RBM47: variants seen among roughly 807,000 people sequenced by gnomAD.
RBM47 encodes the protein RNA binding motif protein 47.
RBM47 carries 21 observed loss-of-function variants against 47.1 expected under a neutral mutation model. The ratio of observed to expected loss-of-function variants is 0.45; its 90% CI spans 0.32 to 0.64. The LOEUF (loss-of-function observed/expected upper bound fraction) is 0.64, where lower values mean the gene tolerates loss of function less well. Ranked by LOEUF, RBM47 falls within the 30% of genes least tolerant of loss-of-function variation. The pLI is 0.05. For missense variants in RBM47, 708 were observed against 870.9 expected (o/e 0.81, Z 2.35); for synonymous variants, 375 against 361.7 (o/e 1.04, Z -0.42).
chr4:40,519,271 C>G (rs950429334), intron 2 of RBM47, among the ~76,000 whole-genome samples: 1 of 150,660 alleles, frequency 6.6e-6, no homozygotes, highest in African/African-American at 2.5e-5. Context: ...TGACCAGAAC[C>G]AGTTCAACTG....
At chr4:40,557,781 T>C (rs1730243328) in intron 1 of RBM47, among the ~76,000 whole-genome samples, 1 of 152,056 alleles carries the variant, frequency 6.6e-6, no homozygotes, top group Admixed American at 6.6e-5. Context: ...AATGAATGCA[T>C]GAGTATAGAA....
intron 1 of RBM47, among the ~76,000 whole-genome samples, chr4:40,563,336 AC>A (rs1228560678): frequency 6.6e-6 from 1 of 152,256 alleles, no homozygotes; most frequent in East Asian, 1.9e-4. Flanking sequence ...AACAATGAAC[AC>A]TTTAATGCCA....
chr4:40,517,021 C>T (rs1725657928), intron 2 of RBM47, among the ~76,000 whole-genome samples: 1 of 152,140 alleles, frequency 6.6e-6, no homozygotes, highest in African/African-American at 2.4e-5. Context: ...GAAGTCTTTC[C>T]CATGAGCACC....
intron 2 of RBM47, among the ~76,000 whole-genome samples, chr4:40,540,702 A>G (rs985941077): frequency 6.8e-6 from 1 of 147,280 alleles, no homozygotes. Flanking sequence ...TGGGGAAAAA[A>G]CCCTACTATT....
chr4:40,588,957 G>C (rs527792205), intron 1 of RBM47, among the ~76,000 whole-genome samples: 1 of 151,442 alleles, frequency 6.6e-6, no homozygotes, highest in Non-Finnish European at 1.5e-5. Flanking sequence ...TAGTTTTAGG[G>C]GAAAGAGGTT....
In RBM47 at chr4:40,438,654, G is replaced by T. The variant is rs199723210; in HGVS notation, c.240C>A (p.Arg80=). 6.2e-7 allele frequency: 1 copy of T among 1,612,206 alleles called. No individual in the cohort carries two copies. Among genetic ancestry groups the T allele is most frequent in the Non-Finnish European group, 8.5e-7 (1 of 1,179,034 alleles). ...GCEVFVGKIP[R]DVYEDELVPV... is the part of the protein sequence containing the mutation. ...GCACCAGCTCGTCCTCGTACACGTC[G>T]CGCGGGATCTTGCCCACGAAGACCT... is the stretch of plus-strand genomic sequence containing the variant. The change falls in exon 4 of 7, where the codon CGC becomes CGA. Residue 80 remains arginine (R), a synonymous_variant. Transcript: ENST00000295971.
At chr4:40,588,401 GGTCCTTACACAT>G (rs1409525746) in intron 1 of RBM47, among the ~76,000 whole-genome samples, 1 of 152,128 alleles carries the variant, frequency 6.6e-6, no homozygotes, top group Non-Finnish European at 1.5e-5. Context: ...GGACCTAGAA[GGTCCTTACACAT>G]GTCTAATTCA....
chr4:40,447,499 C>T (rs573151132), intron 3 of RBM47, among the ~76,000 whole-genome samples: 1 of 152,310 alleles, frequency 6.6e-6, no homozygotes, highest in African/African-American at 2.4e-5. Flanking sequence ...GCAAAGGATA[C>T]CAGTGTACTA....
chr4:40,428,231 A>G (rs1715354852), intron 6 of RBM47, among the ~76,000 whole-genome samples: 1 of 144,978 alleles, frequency 6.9e-6, no homozygotes, highest in African/African-American at 2.5e-5. Flanking sequence ...ACAAAACAAA[A>G]CAAACCCCCA....
At chr4:40,521,294 G>A (rs1341691708) in intron 2 of RBM47, among the ~76,000 whole-genome samples, 1 of 152,064 alleles carries the variant, frequency 6.6e-6, no homozygotes, top group Non-Finnish European at 1.5e-5. Flanking sequence ...TCCACTTCCT[G>A]GGTTCAAGTG....
At chr4:40,523,287 A>T (rs1726378748) in intron 2 of RBM47, among the ~76,000 whole-genome samples, 1 of 151,942 alleles carries the variant, frequency 6.6e-6, no homozygotes, top group Non-Finnish European at 1.5e-5. Context: ...AAGAATATAA[A>T]AACAGGGCTA....
intron 2 of RBM47, among the ~76,000 whole-genome samples, chr4:40,491,077 C>T (rs2154246394): frequency 6.6e-6 from 1 of 152,134 alleles, no homozygotes; most frequent in South Asian, 2.1e-4. Flanking sequence ...TAGGGGAAAA[C>T]CATAAGGTGC....
At position 40,628,591 on chromosome 4, in the gene RBM47, C is replaced by G. The variant is rs1310964897; in HGVS notation, c.-240+805G>C. Among the ~76,000 whole-genome samples the G allele has an allele frequency of 6.6e-6, 1 of 152,014 alleles. No homozygotes were observed. The highest frequency in any genetic ancestry group is 1.5e-5 in the Non-Finnish European group (1 of 68,018). On this transcript the variant is annotated intron_variant, in intron 1 of 6. Coordinates refer to ENST00000295971, the MANE Select transcript of RBM47 (RefSeq NM_001098634.2). This position sits in a 1 kb window ranked among gnomAD's most constrained non-coding sequence, Gnocchi z 4.0. ...AAATTCGTATGACCTTGCCTTAAAA[C>G]TTTTAAAGAATACATTTTAAAATCT...
chr4:40,610,907 C>T (rs1357373924), intron 1 of RBM47, among the ~76,000 whole-genome samples: 2 of 152,108 alleles, frequency 1.3e-5, no homozygotes, highest in South Asian at 2.1e-4. Context: ...TCACCCTCCC[C>T]CATGATTATG....
intron 1 of RBM47, among the ~76,000 whole-genome samples, chr4:40,565,890 G>A (rs865887557): frequency 1.3e-5 from 2 of 151,914 alleles, no homozygotes; most frequent in Admixed American, 1.3e-4. Context: ...GTAACATAGG[G>A]AGACCCTGTC....
At chr4:40,603,755 C>T (rs1028438318) in intron 1 of RBM47, among the ~76,000 whole-genome samples, 1 of 152,154 alleles carries the variant, frequency 6.6e-6, no homozygotes, top group Non-Finnish European at 1.5e-5. Context: ...GAGCACACCA[C>T]CACACCCAGC....
At chr4:40,473,341 G>A (rs988193201) in intron 2 of RBM47, among the ~76,000 whole-genome samples, 3 of 152,164 alleles carry the variant, frequency 2.0e-5, no homozygotes, top group East Asian at 1.9e-4. Flanking sequence ...CAAACCCCAG[G>A]CCTTCTATGG....
At chr4:40,596,548 C>T (rs537564114) in intron 1 of RBM47, among the ~76,000 whole-genome samples, 11 of 152,182 alleles carry the variant, frequency 7.2e-5, no homozygotes, top group Middle Eastern at 3.4e-3. Flanking sequence ...TACTCAAATC[C>T]GCCATGTTGA....
At position 40,618,833 on chromosome 4, in the gene RBM47, AAG is replaced by A. The variant is rs1456478043; in HGVS notation, c.-240+10561_-240+10562del. Among the ~76,000 whole-genome samples the A allele has an allele frequency of 1.1e-4, 16 of 149,872 alleles. 1 individual carries two copies. The highest frequency in any genetic ancestry group is 1.0e-3 in the Admixed American group (15 of 15,024). ...CAAAAAAAAAAAAAAAAAAAAAAAA[AAG>A]GGAAACTTCCAGCATCTCCTTGGGA... On this transcript the variant is annotated intron_variant, in intron 1 of 6. Transcript: ENST00000295971.
Sources: gnomAD v4.1 joint callset for allele counts (sites outside exome capture counted in the v4.1 genomes callset) on GRCh38, gnomAD v4.1.1 for gene constraint, Gnocchi (gnomAD v3.1) non-coding constraint, MANE v1.5 for transcripts, NCBI Gene and HGNC (gene_info 2026-07-23, HGNC 2026-07-21) for gene names.